Variants in PRELID2 observed in about 807,000 individuals in gnomAD.
PRELID2 encodes the protein PRELI domain containing 2, also known as PRELI domain-containing protein 2.
In PRELID2, 25 loss-of-function variants were observed where a neutral mutation model predicts 28.4. That is an observed-to-expected ratio of 0.88 (90% confidence interval 0.64 to 1.23). The LOEUF (loss-of-function observed/expected upper bound fraction) is 1.23. Ranked by LOEUF, PRELID2 falls within the 50% of genes most tolerant of loss-of-function variation. PRELID2 has a pLI of 0.00. For synonymous variants in PRELID2, 76 were observed against 71.6 expected (o/e 1.06, Z -0.31); for missense variants, 201 against 214.4 (o/e 0.94, Z 0.39).
the PRELID2 span, among the ~76,000 whole-genome samples, chr5:145,358,111 G>A: frequency 6.6e-6 from 1 of 152,036 alleles, no homozygotes. Context: ...GCTGCAGTTG[G>A]CAGACAGGCC....
chr5:145,297,239 T>A, the PRELID2 span, among the ~76,000 whole-genome samples: 1 of 152,172 alleles, frequency 6.6e-6, no homozygotes, highest in Non-Finnish European at 1.5e-5. Flanking sequence ...GCCATTGCTT[T>A]TGGTGTTTTA....
Position 145,819,453 on chromosome 5 carries a change from C to G in PRELID2, c.207+492G>C, listed in dbSNP as rs371418245. The G allele has an allele frequency of 2.4e-5, 32 of 1,341,334 alleles. No individual in the cohort carries two copies. The South Asian group carries it at 3.5e-4, about 15-fold the overall frequency. 83.1% of individuals were successfully genotyped at this position (1,341,334 alleles called of 1,614,324 possible). A position where few individuals can be genotyped will look rare whatever the true frequency, so the allele number is the denominator to read the frequency against. ...AAACAATTTGCTATCATGAAGATTTCATCATCAATGATATTACTTTAGAGA... is the reference window on the plus strand; with the variant it reads ...AAACAATTTGCTATCATGAAGATTTGATCATCAATGATATTACTTTAGAGA... On this transcript the variant is annotated intron_variant, in intron 3 of 6. Transcript: ENST00000683046.
intron 1 of PRELID2, among the ~76,000 whole-genome samples, chr5:145,747,946 TA>T (rs1212758401): frequency 6.6e-6 from 1 of 152,078 alleles, no homozygotes; most frequent in Non-Finnish European, 1.5e-5. Context: ...AGGCCTTTGA[TA>T]AAATTCAACA....
intron 1 of PRELID2, among the ~76,000 whole-genome samples, chr5:145,528,487 C>T (rs185923155): frequency 7.5e-4 from 114 of 151,744 alleles, no homozygotes; most frequent in African/African-American, 2.1e-3. Context: ...CATCAGCTCA[C>T]GAGAGAGAGA....
the PRELID2 span, among the ~76,000 whole-genome samples, chr5:145,445,649 A>G: frequency 6.6e-6 from 1 of 152,038 alleles, no homozygotes; most frequent in Non-Finnish European, 1.5e-5. Flanking sequence ...TCCAGGTTAT[A>G]TAAGGTGCTC....
the PRELID2 span, among the ~76,000 whole-genome samples, chr5:145,263,108 T>A: frequency 6.6e-6 from 1 of 151,784 alleles, no homozygotes; most frequent in Non-Finnish European, 1.5e-5. Flanking sequence ...TATGTAAAAA[T>A]AAAAAAACTC....
At chr5:145,590,802 TG>T (rs1457768200) in intron 1 of PRELID2, among the ~76,000 whole-genome samples, 1 of 152,156 alleles carries the variant, frequency 6.6e-6, no homozygotes, top group Non-Finnish European at 1.5e-5. Flanking sequence ...AGGAAAACTC[TG>T]GCCCCCAGAG....
chr5:145,437,923 C>T, the PRELID2 span, among the ~76,000 whole-genome samples: 1 of 152,112 alleles, frequency 6.6e-6, no homozygotes, highest in Non-Finnish European at 1.5e-5. Context: ...TGCATCTTAG[C>T]TCTGAAAATG....
At chr5:145,433,473 G>A in the PRELID2 span, among the ~76,000 whole-genome samples, 2 of 152,124 alleles carry the variant, frequency 1.3e-5, no homozygotes, top group African/African-American at 4.8e-5. Flanking sequence ...GGAGAGAAGC[G>A]ACTTGCTCCT....
chr5:145,360,328 C>T, the PRELID2 span, among the ~76,000 whole-genome samples: 3 of 152,090 alleles, frequency 2.0e-5, no homozygotes, highest in Non-Finnish European at 4.4e-5. Context: ...AAACAGACAA[C>T]AGAGAAGACA....
intron 1 of PRELID2, among the ~76,000 whole-genome samples, chr5:145,694,909 T>C (rs77056516): frequency 0.026 from 3,918 of 152,020 alleles, 184 homozygotes; most frequent in African/African-American, 0.089. Context: ...TCAGTGAGTA[T>C]TCACTAACGC....
At chr5:145,394,302 A>G in the PRELID2 span, among the ~76,000 whole-genome samples, 1 of 152,072 alleles carries the variant, frequency 6.6e-6, no homozygotes, top group Non-Finnish European at 1.5e-5. Context: ...TGAAACTGGA[A>G]ACCATCATTC....
chr5:145,275,416 C>T, the PRELID2 span, among the ~76,000 whole-genome samples: 1 of 151,964 alleles, frequency 6.6e-6, no homozygotes, highest in African/African-American at 2.4e-5. Flanking sequence ...AAGAAGGAAG[C>T]TTTAAGCTAC....
At chr5:145,534,308 C>T (rs13180547) in intron 1 of PRELID2, among the ~76,000 whole-genome samples, 28,617 of 151,782 alleles carry the variant, frequency 0.19, 2,899 homozygotes, top group South Asian at 0.35. Flanking sequence ...TATTGTGTTT[C>T]TTGAGAAACA....
At chr5:145,834,929 C>T in intron 1 of PRELID2, 1 of 420,122 alleles carries the variant, frequency 2.4e-6, no homozygotes, top group Non-Finnish European at 4.3e-6. Context: ...CCCGGAGGCT[C>T]TTCCTAAAAG....
intron 1 of PRELID2, among the ~76,000 whole-genome samples, chr5:145,622,556 T>G (rs1753787124): frequency 1.3e-5 from 2 of 152,226 alleles, no homozygotes; most frequent in South Asian, 4.1e-4. Context: ...TAATATTTAT[T>G]GTGTATTCGT....
the PRELID2 span, among the ~76,000 whole-genome samples, chr5:145,276,071 C>T: frequency 6.6e-6 from 1 of 152,038 alleles, no homozygotes; most frequent in Non-Finnish European, 1.5e-5. Flanking sequence ...GAAGAAGTTG[C>T]TTAAAGGTAA....
At chr5:145,306,171 G>A in the PRELID2 span, among the ~76,000 whole-genome samples, 2 of 152,122 alleles carry the variant, frequency 1.3e-5, no homozygotes, top group African/African-American at 4.8e-5. Flanking sequence ...TTACAAAAAT[G>A]ACTTATGGAG....
the PRELID2 span, among the ~76,000 whole-genome samples, chr5:145,409,910 A>G: frequency 6.6e-6 from 1 of 152,208 alleles, no homozygotes; most frequent in Non-Finnish European, 1.5e-5. Flanking sequence ...ATTTCAAACC[A>G]TACTACAAGG....
Sources: gnomAD v4.1 joint callset for allele counts (sites outside exome capture counted in the v4.1 genomes callset) on GRCh38, gnomAD v4.1.1 for gene constraint, MANE v1.5 for transcripts, NCBI Gene and HGNC (gene_info 2026-07-23, HGNC 2026-07-21) for gene names.